The following NAALADL2 variants were observed in gnomAD, a reference collection of about 807,000 sequenced individuals.
NAALADL2 encodes the protein inactive N-acetylated-alpha-linked acidic dipeptidase-like protein 2.
In NAALADL2, 76 loss-of-function variants were observed where a neutral mutation model predicts 87.2. That is an observed-to-expected ratio of 0.87 (90% CI 0.72 to 1.05). The LOEUF is 1.05. NAALADL2 is among the 50% of genes least tolerant of loss of function. The pLI, the probability that NAALADL2 is intolerant of heterozygous loss-of-function variation, is 0.00. For synonymous variants in NAALADL2, 354 were observed against 331.0 expected, an observed-to-expected ratio of 1.07 and a Z score of -0.75; for missense variants, 1,089 against 945.8, an observed-to-expected ratio of 1.15 and a Z score of -1.99.
intron 1 of NAALADL2, among the ~76,000 whole-genome samples, chr3:174,866,015 A>G (rs900982508): frequency 1.3e-5 from 2 of 151,956 alleles, no homozygotes; most frequent in African/African-American, 4.8e-5. Context: ...AACATGCTGA[A>G]AAACTGTCAA....
At chr3:175,259,632 A>C (rs1750667522) in intron 4 of NAALADL2, among the ~76,000 whole-genome samples, 1 of 152,200 alleles carries the variant, frequency 6.6e-6, no homozygotes, top group Admixed American at 6.5e-5. Context: ...AGAATTATGG[A>C]TAATTTCTAC....
intron 9 of NAALADL2, among the ~76,000 whole-genome samples, chr3:175,543,926 C>G (rs1390522362): frequency 2.0e-5 from 3 of 152,256 alleles, no homozygotes; most frequent in Admixed American, 6.5e-5. Context: ...AAAAGGAGGT[C>G]TTAGCTGACA....
intron 9 of NAALADL2, among the ~76,000 whole-genome samples, chr3:175,481,561 C>T (rs1188412305): frequency 6.6e-6 from 1 of 151,776 alleles, no homozygotes; most frequent in African/African-American, 2.4e-5. Context: ...TAAAGACAAA[C>T]ATATATCAGT....
chr3:175,140,211 G>A (rs1729780394), intron 2 of NAALADL2, among the ~76,000 whole-genome samples: 1 of 152,100 alleles, frequency 6.6e-6, no homozygotes, highest in Non-Finnish European at 1.5e-5. Context: ...ATTAAATGCT[G>A]CATTCCATGT....
At chr3:175,362,354 T>C (rs562367667) in intron 5 of NAALADL2, among the ~76,000 whole-genome samples, 2 of 148,218 alleles carry the variant, frequency 1.3e-5, no homozygotes, top group Admixed American at 1.4e-4. Context: ...ATGCGGGCTC[T>C]TTTTTGGTTC....
At chr3:174,507,942 GTA>G (rs1560020858) in intron 1 of NAALADL2, among the ~76,000 whole-genome samples, 1 of 151,962 alleles carries the variant, frequency 6.6e-6, no homozygotes, top group African/African-American at 2.4e-5. Flanking sequence ...GTTGAAGTAA[GTA>G]TATGTTTACA....
At position 175,255,709 on chromosome 3, in the gene NAALADL2, C is replaced by T. The variant is rs551050190; in HGVS notation, c.820-702C>T. Among the ~76,000 whole-genome samples, 10 of 152,200 alleles carry T rather than the reference C, an allele frequency of 6.6e-5. No homozygotes were observed. In the East Asian group the frequency reaches 1.9e-3, roughly 29 times the overall value. On this transcript the variant is annotated intron_variant, in intron 3 of 13. Transcript: ENST00000454872. ...GTTTTTATTGAAATCTCCAGAAAGG[C>T]ATGAGATTTTTTCTTTTTTGCATTA...
chr3:175,393,696 A>G (rs929007314), intron 5 of NAALADL2, among the ~76,000 whole-genome samples: 7 of 152,158 alleles, frequency 4.6e-5, no homozygotes, highest in Admixed American at 2.6e-4. Flanking sequence ...TCAGTTTTTT[A>G]TCCTAAATAC....
chr3:175,106,339 A>G (rs142234653), intron 2 of NAALADL2, among the ~76,000 whole-genome samples: 33 of 152,178 alleles, frequency 2.2e-4, no homozygotes, highest in African/African-American at 7.5e-4. Flanking sequence ...TTCTACTGTC[A>G]ATGAACTATT....
chr3:175,189,468 A>T (rs1474607072), intron 2 of NAALADL2, among the ~76,000 whole-genome samples: 1 of 152,188 alleles, frequency 6.6e-6, no homozygotes, highest in Non-Finnish European at 1.5e-5. Flanking sequence ...TCAAGGAAAA[A>T]TTCTATATAT....
intron 2 of NAALADL2, among the ~76,000 whole-genome samples, chr3:175,216,693 G>A (rs1449961214): frequency 2.5e-5 from 3 of 117,766 alleles, no homozygotes. Context: ...TTTTGAGAAG[G>A]TGTCTCGCCC....
At chr3:175,267,538 G>A (rs975634450) in intron 4 of NAALADL2, among the ~76,000 whole-genome samples, 1 of 151,954 alleles carries the variant, frequency 6.6e-6, no homozygotes, top group African/African-American at 2.4e-5. Context: ...AATTTATTTT[G>A]TCTAAAGTTT....
At chr3:175,586,327 G>A (rs1056163750) in intron 10 of NAALADL2, among the ~76,000 whole-genome samples, 1 of 152,078 alleles carries the variant, frequency 6.6e-6, no homozygotes, top group Admixed American at 6.6e-5. Context: ...ATAGATTGAG[G>A]TCAACGCTAC....
chr3:175,576,008 G>A, intron 9 of NAALADL2, 33 bp from the exon 10 acceptor site: 4 of 1,575,366 alleles, frequency 2.5e-6, no homozygotes, highest in Non-Finnish European at 3.5e-6. Flanking sequence ...GGGAAGCATA[G>A]TATGTGTTAA....
intron 5 of NAALADL2, among the ~76,000 whole-genome samples, chr3:175,406,187 G>A (rs911549392): frequency 6.6e-6 from 1 of 152,208 alleles, no homozygotes; most frequent in South Asian, 2.1e-4. Context: ...GAGAAAGACG[G>A]TGATGTGAAA....
At chr3:175,073,964 C>G (rs141392730) in intron 1 of NAALADL2, among the ~76,000 whole-genome samples, 8 of 152,108 alleles carry the variant, frequency 5.3e-5, no homozygotes, top group African/African-American at 1.9e-4. Flanking sequence ...TCTTTCCATG[C>G]ACCATCTCAC....
intron 1 of NAALADL2, among the ~76,000 whole-genome samples, chr3:175,075,068 G>C (rs1321632956): frequency 6.6e-6 from 1 of 152,066 alleles, no homozygotes; most frequent in African/African-American, 2.4e-5. Flanking sequence ...TATATGCCAA[G>C]CACTGTTCTA....
chr3:175,620,828 C>T (rs1726113924), intron 10 of NAALADL2, among the ~76,000 whole-genome samples: 1 of 152,040 alleles, frequency 6.6e-6, no homozygotes. Context: ...ATGAGGTATG[C>T]GGACACAGGA....
chr3:174,663,946 C>A lies in NAALADL2; in HGVS notation c.-114-73695C>A, dbSNP rs527502214. Among the ~76,000 whole-genome samples the A allele has an allele frequency of 3.0e-3, 460 of 152,110 alleles. 8 individuals carry two copies. Among genetic ancestry groups the A allele is most frequent in the South Asian group, 0.018 (85 of 4,816 alleles). On this transcript the variant is annotated intron_variant, in intron 2 of 3. Coordinates refer to the NAALADL2 transcript ENST00000434257. Reference sequence around the variant, plus strand: ...GGGATTACAGGCATGTGCCACCATGCCCAGCTAATTTTTGTATTTTTAGTA... The same window carrying A: ...GGGATTACAGGCATGTGCCACCATGACCAGCTAATTTTTGTATTTTTAGTA...
Sources: allele counts gnomAD v4.1 joint callset (sites outside exome capture counted in the v4.1 genomes callset), GRCh38; gene constraint gnomAD v4.1.1; transcripts MANE v1.5; gene names NCBI Gene and HGNC (gene_info 2026-07-23, HGNC 2026-07-21).